Variants in PHF24 observed in about 807,000 individuals in gnomAD.
PHF24 encodes Galpha inhibitory interacting protein.
In PHF24, 25 loss-of-function variants were observed where a neutral mutation model predicts 42.6. That is an observed-to-expected ratio of 0.59 (90% CI 0.43 to 0.82). PHF24 has a LOEUF of 0.82. Among genes scored for constraint, PHF24 ranks in the 40% least tolerant of loss-of-function variants. The probability of loss-of-function intolerance (pLI) is 0.00; values close to 1 mark genes in which losing one functional copy is unlikely to be tolerated. For missense variants in PHF24, 470 were observed against 538.1 expected, an observed-to-expected ratio of 0.87 and a Z score of 1.25; for synonymous variants, 185 against 204.8, an observed-to-expected ratio of 0.90 and a Z score of 0.83.
the PHF24 span, among the ~76,000 whole-genome samples, chr9:34,826,866 A>G: frequency 1.3e-5 from 2 of 152,106 alleles, no homozygotes; most frequent in Non-Finnish European, 2.9e-5. Context: ...CCTTCATGTG[A>G]CTTTTGCTTC....
the PHF24 span, among the ~76,000 whole-genome samples, chr9:34,935,551 G>C: frequency 1.5e-3 from 212 of 145,424 alleles, no homozygotes; most frequent in Middle Eastern, 3.8e-3. Context: ...CCAAGACTGT[G>C]CCACTGCACT....
At chr9:34,723,754 C>T in the PHF24 span, 46 of 1,551,718 alleles carry the variant, frequency 3.0e-5, no homozygotes, top group South Asian at 4.8e-4. Context: ...AAGCCTGGGG[C>T]AACACAGTCT....
the PHF24 span, among the ~76,000 whole-genome samples, chr9:34,697,776 G>GC: frequency 6.6e-6 from 1 of 152,158 alleles, no homozygotes; most frequent in Non-Finnish European, 1.5e-5. Context: ...CTTCTTCAAG[G>GC]CACAAGAACA....
the PHF24 span, chr9:34,832,625 T>C: frequency 6.5e-6 from 10 of 1,541,228 alleles, no homozygotes; most frequent in Non-Finnish European, 8.8e-6. Flanking sequence ...CTTTGCCTTT[T>C]GTCTTGGGGT....
exon 8 of PHF24, chr9:34,982,509 C>G (rs1827431947): frequency 6.6e-6 from 1 of 152,222 alleles, no homozygotes; most frequent in African/African-American, 2.4e-5. Flanking sequence ...TGAGGCTGGG[C>G]ACAGTGGAAA....
At chr9:34,716,953 T>A in the PHF24 span, among the ~76,000 whole-genome samples, 1 of 152,148 alleles carries the variant, frequency 6.6e-6, no homozygotes, top group Non-Finnish European at 1.5e-5. Context: ...CTTACGCTTC[T>A]GCATAACGTG....
the PHF24 span, chr9:34,833,311 T>C: frequency 8.1e-4 from 1,252 of 1,551,110 alleles, 3 homozygotes; most frequent in South Asian, 1.7e-3. Flanking sequence ...CCCCACTGGG[T>C]TGTGAGATCT....
At chr9:34,794,978 C>T in the PHF24 span, among the ~76,000 whole-genome samples, 3 of 151,984 alleles carry the variant, frequency 2.0e-5, no homozygotes, top group African/African-American at 7.3e-5. Context: ...TCAAGAAGCT[C>T]AATGGACCCC....
the PHF24 span, among the ~76,000 whole-genome samples, chr9:34,717,825 C>T: frequency 1.3e-5 from 2 of 152,074 alleles, no homozygotes; most frequent in Admixed American, 1.3e-4. Flanking sequence ...GTGTTTGTGC[C>T]CGTGTCTGCT....
At chr9:34,872,384 G>T in the PHF24 span, among the ~76,000 whole-genome samples, 9 of 119,426 alleles carry the variant, frequency 7.5e-5, 1 homozygote, top group South Asian at 2.5e-3. Flanking sequence ...AGTCCCCAGA[G>T]TGTGATATTC....
At chr9:34,800,201 A>C in the PHF24 span, among the ~76,000 whole-genome samples, 2 of 152,234 alleles carry the variant, frequency 1.3e-5, no homozygotes. Flanking sequence ...GAGACAAGGC[A>C]GGGAGACTAA....
chr9:34,873,620 GT>G, the PHF24 span, among the ~76,000 whole-genome samples: 11 of 151,884 alleles, frequency 7.2e-5, no homozygotes, highest in East Asian at 1.7e-3. Context: ...TTGTAGTATA[GT>G]TTGAAGTCAG....
chr9:34,972,592 G>A, intron 3 of PHF24, 61 bp downstream of exon 3: 1 of 1,483,044 alleles, frequency 6.7e-7, no homozygotes, highest in Non-Finnish European at 9.1e-7. Context: ...CCCGGTCTTA[G>A]AACACTTGAT....
the PHF24 span, among the ~76,000 whole-genome samples, chr9:34,873,473 ATTTC>A: frequency 6.6e-6 from 1 of 150,710 alleles, no homozygotes; most frequent in Non-Finnish European, 1.5e-5. Flanking sequence ...TCCTTTCCCC[ATTTC>A]TTGTTTTTGT....
chr9:34,742,541 T>C, the PHF24 span, among the ~76,000 whole-genome samples: 1 of 152,172 alleles, frequency 6.6e-6, no homozygotes, highest in African/African-American at 2.4e-5. Flanking sequence ...AAAAAGCAAC[T>C]GCCAGCTACG....
chr9:34,728,411 T>C, the PHF24 span, among the ~76,000 whole-genome samples: 1 of 152,232 alleles, frequency 6.6e-6, no homozygotes, highest in East Asian at 1.9e-4. Context: ...TTCTTAATTC[T>C]TCATTTCCAG....
At chr9:34,935,591 C>T in the PHF24 span, among the ~76,000 whole-genome samples, 1 of 39,390 alleles carries the variant, frequency 2.5e-5, no homozygotes, top group African/African-American at 9.0e-5. Context: ...GAGACTTCAT[C>T]TGAAAAAAAA....
chr9:34,891,242 C>T, the PHF24 span, among the ~76,000 whole-genome samples: 1 of 152,174 alleles, frequency 6.6e-6, no homozygotes, highest in Non-Finnish European at 1.5e-5. Flanking sequence ...ATATGTGTCA[C>T]TTCCAGGTCC....
the PHF24 span, among the ~76,000 whole-genome samples, chr9:34,912,881 G>A: frequency 1.3e-5 from 2 of 152,256 alleles, no homozygotes; most frequent in South Asian, 2.1e-4. Flanking sequence ...CCAAGATGTT[G>A]ACATTATTAG....
Sources: allele counts gnomAD v4.1 joint callset (sites outside exome capture counted in the v4.1 genomes callset), GRCh38; gene constraint gnomAD v4.1.1; transcripts MANE v1.5; gene names NCBI Gene and HGNC (gene_info 2026-07-23, HGNC 2026-07-21).